Variants in MNX1 observed in about 807,000 individuals in gnomAD.
MNX1 encodes motor neuron and pancreas homeobox 1.
A neutral mutation model predicts 17.3 loss-of-function variants in MNX1; 2 were observed. The observed-to-expected ratio is 0.12, with a 90% CI of 0.05 to 0.36. The LOEUF (loss-of-function observed/expected upper bound fraction) is 0.36, where lower values mean the gene tolerates loss of function less well. Ranked by LOEUF, MNX1 falls within the 10% of genes least tolerant of loss-of-function variation. MNX1 has a pLI of 1.00. For synonymous variants in MNX1, 306 were observed against 283.1 expected (o/e 1.08, Z -0.81); for missense variants, 556 against 564.7 (o/e 0.98, Z 0.16).
intron 1 of MNX1, chr7:157,007,896 C>T (rs531754987): frequency 8.7e-4 from 133 of 152,390 alleles, no homozygotes; most frequent in African/African-American, 3.0e-3. Flanking sequence ...ACCACTGGCT[C>T]CGGAGGGACC....
chr7:157,006,853 A>ATTTTTTTTTTTTTT lies in MNX1; in HGVS notation c.692-228_692-215dup, dbSNP rs373662349. ...GGATAGTTTGGAGTTAATGAGACCA[A>ATTTTTTTTTTTTTT]TTTTTTTTTTTTTTTTTGTCTAGGA... is the stretch of plus-strand genomic sequence containing the variant. On this transcript the variant is annotated intron_variant, in intron 1 of 2. Coordinates refer to ENST00000252971, the MANE Select transcript of MNX1 (RefSeq NM_005515.4). This position sits in a 1 kb window ranked among gnomAD's most constrained non-coding sequence, Gnocchi z 6.3. The ATTTTTTTTTTTTTT allele has an allele frequency of 2.1e-3, 576 of 273,640 alleles. 17 individuals are homozygous for ATTTTTTTTTTTTTT. Among genetic ancestry groups the ATTTTTTTTTTTTTT allele is most frequent in the African/African-American group, 8.1e-3 (217 of 26,800 alleles). 17.0% of individuals were successfully genotyped at this position (273,640 alleles called of 1,614,324 possible).
Position 157,009,911 on chromosome 7 carries a change from T to G in MNX1, c.440A>C (p.Gln147Pro), listed in dbSNP as rs1231142028. The change falls in exon 1 of 3, where the codon CAG becomes CCG. Residue 147 changes from glutamine to proline, a missense_variant. Coordinates refer to ENST00000252971, the MANE Select transcript of MNX1 (RefSeq NM_005515.4). ...LALGLHPGGA[Q>P]GGAGLPAQAA... ...CTGCGCCGGGAGGCCCGCGCCGCCC[T>G]GCGCGCCCCCAGGGTGCAGCCCCAG... is the stretch of plus-strand genomic sequence containing the variant. 1.8e-5 allele frequency: 23 copies of G among 1,303,834 alleles called. No individual in the cohort carries two copies. The highest frequency in any genetic ancestry group is 2.2e-5 in the Non-Finnish European group (23 of 1,027,762). 80.8% of individuals were successfully genotyped at this position (1,303,834 alleles called of 1,614,324 possible). A position where few individuals can be genotyped will look rare whatever the true frequency, so the allele number is the denominator to read the frequency against.
intron 1 of MNX1, chr7:157,008,772 T>C: frequency 1.7e-6 from 1 of 585,186 alleles, no homozygotes; most frequent in Non-Finnish European, 3.0e-6. Flanking sequence ...GCCCGACTCA[T>C]AAGTAGCTGA....
chr7:157,009,594 G>T (rs1198372533), intron 1 of MNX1, 66 bp downstream of exon 1: 2 of 1,572,298 alleles, frequency 1.3e-6, no homozygotes, highest in African/African-American at 1.4e-5. Flanking sequence ...AGGGGCAGGC[G>T]GTGCCGGTGG....
Position 157,005,430 on chromosome 7 carries a change from G to A in MNX1, c.*90C>T, listed in dbSNP as rs1318939587. ...GGCGGTCGAGCCTGCTCTCGGGGCC[G>A]GGCCGGGTGGGTGCGGGCGCCGGGG... On this transcript the variant is annotated 3_prime_UTR_variant, in exon 3 of 3. Transcript: ENST00000252971. The A allele has an allele frequency of 8.3e-6, 8 of 962,694 alleles. No homozygotes were observed. The highest frequency in any genetic ancestry group is 9.2e-6 in the Non-Finnish European group (7 of 759,498). The allele number at this position is 962,694 out of a possible 1,614,324, so 59.6% of individuals were successfully genotyped here. A position where few individuals can be genotyped will look rare whatever the true frequency, so the allele number is the denominator to read the frequency against.
Position 157,006,709 on chromosome 7 carries a change from T to C in MNX1, c.692-70A>G. On this transcript the variant is annotated intron_variant, in intron 1 of 2. Coordinates refer to ENST00000252971, the MANE Select transcript of MNX1 (RefSeq NM_005515.4). This position sits in a 1 kb window ranked among gnomAD's most constrained non-coding sequence, Gnocchi z 6.3. ...CGCCCCAGCCCCTCCCGTTGCTGCT[T>C]GTACCACTACACTCAAGGCCCCAGC... 3 of 1,482,728 alleles carry C rather than the reference T, an allele frequency of 2.0e-6. No homozygotes were observed. Among genetic ancestry groups the C allele is most frequent in the Non-Finnish European group, 2.7e-6 (3 of 1,107,726 alleles). The allele number at this position is 1,482,728 out of a possible 1,614,324, so 91.8% of individuals were successfully genotyped here. A position where few individuals can be genotyped will look rare whatever the true frequency, so the allele number is the denominator to read the frequency against.
In MNX1 at chr7:157,005,892, G is replaced by A. The variant is rs1805587656; in HGVS notation, c.853-19C>T. The A allele has an allele frequency of 2.5e-6, 4 of 1,609,530 alleles. No individual in the cohort carries two copies. The highest frequency in any genetic ancestry group is 3.3e-5 in the Admixed American group (2 of 60,024). On this transcript the variant is annotated intron_variant, in intron 2 of 2. Coordinates refer to ENST00000252971, the MANE Select transcript of MNX1 (RefSeq NM_005515.4). ...TCTTCACCTGCGGGCACAAGCGGGC[G>A]TGAGAAACCGGCCACCGCCACCCCA...
chr7:157,007,616 G>C (rs1263633717), intron 1 of MNX1: 1 of 152,252 alleles, frequency 6.6e-6, no homozygotes, highest in South Asian at 2.1e-4. Flanking sequence ...AAGGAGGCCT[G>C]CCCGGCTTTA....
In MNX1 at chr7:157,010,165, G is replaced by T; in HGVS notation, c.186C>A (p.Ser62=). 7.0e-6 allele frequency: 8 copies of T among 1,143,098 alleles called. No homozygotes were observed. The highest frequency in any genetic ancestry group is 8.6e-6 in the Non-Finnish European group (8 of 929,866). The allele number at this position is 1,143,098 out of a possible 1,614,324, so 70.8% of individuals were successfully genotyped here. A position where few individuals can be genotyped will look rare whatever the true frequency, so the allele number is the denominator to read the frequency against. Residue 62 remains serine, a synonymous_variant, in exon 1 of 3, where the codon TCC becomes TCA. Coordinates refer to ENST00000252971, the MANE Select transcript of MNX1 (RefSeq NM_005515.4). The stretch of plus-strand genomic sequence containing the variant: ...CGGCGGGCGCAGCCGGCGGCTCCGA[G>T]GACGCGGGGCTGCAGCTGCCGCTAG... ...GGTSGSCSPA[S]SEPPAAPADR...
chr7:157,009,541 G>A lies in MNX1; in HGVS notation c.691+119C>T. 4 of 1,493,396 alleles carry A rather than the reference G, an allele frequency of 2.7e-6. No individual in the cohort carries two copies. In the South Asian group the frequency reaches 3.8e-5, roughly 14 times the overall value. The allele number at this position is 1,493,396 out of a possible 1,614,324, so 92.5% of individuals were successfully genotyped here. A position where few individuals can be genotyped will look rare whatever the true frequency, so the allele number is the denominator to read the frequency against. On this transcript the variant is annotated intron_variant, in intron 1 of 2. Transcript: ENST00000252971. The stretch of plus-strand genomic sequence containing the variant: ...GCAGGCCCCGGGCAGAGCCGAGGCG[G>A]CTTCGCAGCTCTTCCCCCGCTCGCT...
rs1805681898 is a variant in MNX1 at position 157,009,987 on chromosome 7, C to T, written c.364G>A (p.Ala122Thr). The change falls in exon 1 of 3, where the codon GCG becomes ACG. Residue 122 changes from alanine (A) to threonine (T), a missense_variant. By Grantham distance (58) the Ala-to-Thr change is moderately conservative (BLOSUM62 0). Around this residue, in one of 7 missense-constraint regions of MNX1, gnomAD observed 115 missense variants for 103.5 expected, o/e 1.11. Coordinates refer to ENST00000252971, the MANE Select transcript of MNX1 (RefSeq NM_005515.4). ...GPHHHAHPGA[A>T]AAAAAAAAAA... is the part of the protein sequence containing the mutation. ...GCGGCGGCGGCGGCGGCAGCGGCCG[C>T]TGCGCCCGGATGCGCGTGGTGGTGG... is the stretch of plus-strand genomic sequence containing the variant. 1.0e-6 allele frequency: 1 copy of T among 984,450 alleles called. No individual in the cohort carries two copies. The highest frequency in any genetic ancestry group is 1.2e-6 in the Non-Finnish European group (1 of 832,472). The allele number at this position is 984,450 out of a possible 1,614,324, so 61.0% of individuals were successfully genotyped here.
In MNX1 at chr7:157,005,505, T is replaced by G. The variant is rs560077367; in HGVS notation, c.*15A>C. ...GGCGCTCCGTGCGCGCCGCACCTGC[T>G]GGGCCGCGGGGCTCCTACTGGGGCG... On this transcript the variant is annotated 3_prime_UTR_variant, in exon 3 of 3. Coordinates refer to ENST00000252971, the MANE Select transcript of MNX1 (RefSeq NM_005515.4). The G allele has an allele frequency of 1.4e-6, 2 of 1,417,686 alleles. No homozygotes were observed. The highest frequency in any genetic ancestry group is 1.8e-6 in the Non-Finnish European group (2 of 1,093,498). The allele number at this position is 1,417,686 out of a possible 1,614,324, so 87.8% of individuals were successfully genotyped here. A position where few individuals can be genotyped will look rare whatever the true frequency, so the allele number is the denominator to read the frequency against.
intron 1 of MNX1, among the ~76,000 whole-genome samples, chr7:157,007,349 AAAG>A (rs1805621990): frequency 6.7e-6 from 1 of 150,336 alleles, no homozygotes; most frequent in Non-Finnish European, 1.5e-5. Context: ...GGAAAGAAGG[AAAG>A]AAGGAAGGAA....
chr7:157,007,169 C>T (rs114032338), intron 1 of MNX1: 1 of 152,222 alleles, frequency 6.6e-6, no homozygotes, highest in Non-Finnish European at 1.5e-5. Flanking sequence ...CTCTCCCCCT[C>T]TCCTCACTGC....
At position 157,010,141 on chromosome 7, in the gene MNX1, G is replaced by A. The variant is rs895725730; in HGVS notation, c.210C>T (p.Ala70=). The change falls in exon 1 of 3, where the codon GCC becomes GCT. Residue 70 remains alanine (A), a synonymous_variant. Coordinates refer to ENST00000252971, the MANE Select transcript of MNX1 (RefSeq NM_005515.4). ...PASSEPPAAP[A]DRLRAESPSP... ...ACGGGCTCTCGGCGCGCAGGCGGTCGGCGGGCGCAGCCGGCGGCTCCGAGG... is the reference window on the plus strand; with the variant it reads ...ACGGGCTCTCGGCGCGCAGGCGGTCAGCGGGCGCAGCCGGCGGCTCCGAGG... The A allele has an allele frequency of 2.8e-6, 3 of 1,053,828 alleles. No individual in the cohort carries two copies. The highest frequency in any genetic ancestry group is 3.4e-6 in the Non-Finnish European group (3 of 876,180). The allele number at this position is 1,053,828 out of a possible 1,614,324, so 65.3% of individuals were successfully genotyped here.
In MNX1 at chr7:157,006,523, T is replaced by G. The variant is rs1191651587; in HGVS notation, c.808A>C (p.Lys270Gln). 1.2e-6 allele frequency: 2 copies of G among 1,611,014 alleles called. No homozygotes were observed. Among genetic ancestry groups the G allele is most frequent in the Admixed American group, 3.3e-5 (2 of 59,820 alleles). ...FKLNKYLSRP[K>Q]RFEVATSLML... ...AGCGAGGTGGCCACCTCGAAGCGCT[T>G]GGGCCGCGACAGGTACTTGTTGAGC... The change falls in exon 2 of 3, where the codon AAG becomes CAG. Residue 270 changes from lysine to glutamine, a missense_variant. Lys to Gln is a moderately conservative substitution (Grantham distance 53). Coordinates refer to ENST00000252971, the MANE Select transcript of MNX1 (RefSeq NM_005515.4). This position sits in a 1 kb window ranked among gnomAD's most constrained non-coding sequence, Gnocchi z 6.3.
intron 1 of MNX1, 74 bp downstream of exon 1, chr7:157,009,586 G>T: frequency 7.0e-6 from 11 of 1,563,354 alleles, no homozygotes; most frequent in Non-Finnish European, 9.5e-6. Context: ...GCGCAGAGAG[G>T]GGCAGGCGGT....
In MNX1 at chr7:157,005,324, C is replaced by T. The variant is rs955918362; in HGVS notation, c.*196G>A. 3.2e-5 allele frequency: 9 copies of T among 283,498 alleles called. No homozygotes were observed. Among genetic ancestry groups the T allele is most frequent in the Middle Eastern group, 1.9e-3 (2 of 1,030 alleles). 17.6% of individuals were successfully genotyped at this position (283,498 alleles called of 1,614,324 possible). On this transcript the variant is annotated 3_prime_UTR_variant, in exon 3 of 3. Transcript: ENST00000252971. Reference sequence around the variant, plus strand: ...TTTCTTGAAGAGCAGGTGAGGCGCCCTTGCTTAAAAGGGAAGCGCCCAGGA... The same window carrying T: ...TTTCTTGAAGAGCAGGTGAGGCGCCTTTGCTTAAAAGGGAAGCGCCCAGGA...
chr7:157,009,610 G>A (rs758581263), intron 1 of MNX1, 50 bp downstream of exon 1: 2 of 1,589,678 alleles, frequency 1.3e-6, no homozygotes, highest in South Asian at 2.2e-5. Flanking sequence ...GGTGGAGGAT[G>A]CGCGAGGCCC....
Sources: gnomAD v4.1 joint callset for allele counts (sites outside exome capture counted in the v4.1 genomes callset) on GRCh38, gnomAD v4.1.1 for gene constraint, gnomAD v4.1.1 regional missense constraint, Gnocchi (gnomAD v3.1) non-coding constraint, MANE v1.5 for transcripts, NCBI Gene and HGNC (gene_info 2026-07-23, HGNC 2026-07-21) for gene names.